Variants in CPVL observed in about 807,000 individuals in gnomAD.
The protein encoded by CPVL is carboxypeptidase vitellogenic like, also known as probable serine carboxypeptidase CPVL.
In CPVL, 51 loss-of-function variants were observed where a neutral mutation model predicts 63.7. The ratio of observed to expected loss-of-function variants is 0.80; its 90% confidence interval spans 0.64 to 1.01. CPVL has a LOEUF of 1.01. Ranked by LOEUF, CPVL falls within the 50% of genes least tolerant of loss-of-function variation. The probability of loss-of-function intolerance (pLI) is 0.00; values close to 1 mark genes in which losing one functional copy is unlikely to be tolerated. For synonymous variants in CPVL, 195 were observed against 206.0 expected (o/e 0.95, Z 0.46); for missense variants, 530 against 573.1 (o/e 0.92, Z 0.77).
rs138583780 is a variant in CPVL, at chr7:29,143,570, T to C, written c.-11+2859A>G. On this transcript the variant is annotated intron_variant, in intron 1 of 12. Coordinates refer to ENST00000265394, the MANE Select transcript of CPVL (RefSeq NM_031311.5). The stretch of plus-strand genomic sequence containing the variant: ...CAAAAAGATATGTGGCACTATCTTT[T>C]TGAAAGAGGGGTAATGGGATACAGA... 3.5e-4 allele frequency among the ~76,000 whole-genome samples: 53 copies of C among 152,258 alleles called. No individual in the cohort carries two copies. In the East Asian group the frequency reaches 0.01, roughly 29 times the overall value.
intron 12 of CPVL, among the ~76,000 whole-genome samples, chr7:29,028,437 CT>C (rs776602490): frequency 4.1e-4 from 62 of 152,214 alleles, no homozygotes; most frequent in Middle Eastern, 3.4e-3. Flanking sequence ...GTAGGTAAAG[CT>C]TTTATGGCTA....
intron 5 of CPVL, among the ~76,000 whole-genome samples, chr7:29,180,345 G>A (rs554046672): frequency 4.3e-4 from 66 of 152,236 alleles, no homozygotes; most frequent in African/African-American, 1.5e-3. Flanking sequence ...GACTAACACG[G>A]TGAAACCCTA....
intron 5 of CPVL, among the ~76,000 whole-genome samples, chr7:29,156,060 C>T (rs1202643506): frequency 2.0e-5 from 3 of 152,120 alleles, no homozygotes; most frequent in Admixed American, 2.0e-4. Flanking sequence ...AGGGATAAAC[C>T]GGCGAAGCAT....
upstream of CPVL, chr7:29,146,983 T>C (rs576876774): frequency 9.9e-4 from 1,538 of 1,550,834 alleles, 9 homozygotes; most frequent in East Asian, 8.3e-3. Flanking sequence ...CAAGTGCCAC[T>C]GTCCTGCCAA....
Position 28,995,817 on chromosome 7 carries a change from A to C in CPVL, c.1386T>G (p.Ile462Met). 4 of 1,608,650 alleles carry C rather than the reference A, an allele frequency of 2.5e-6. No individual in the cohort carries two copies. The highest frequency in any genetic ancestry group is 3.4e-6 in the Non-Finnish European group (4 of 1,178,426). The change falls in exon 13 of 13, where the codon ATT becomes ATG. Residue 462 changes from isoleucine (I) to methionine (M), a missense_variant. Transcript: ENST00000265394. ...ATCCTTTTCCATAAATGAATCGATT[A>C]ATCATGTCAAAAGCTCTCAGAGGCT... ...YDQPLRAFDMINRFIYGKGWD... is the reference protein window; with the variant it reads ...YDQPLRAFDMMNRFIYGKGWD...
chr7:29,081,418 C>T (rs1291582907), intron 7 of CPVL: 2 of 152,198 alleles, frequency 1.3e-5, no homozygotes, highest in Non-Finnish European at 2.9e-5. Flanking sequence ...CTCCCCTTTC[C>T]TTTGCACTGA....
chr7:29,093,346 C>T (rs1459530560), intron 5 of CPVL, among the ~76,000 whole-genome samples: 2 of 140,776 alleles, frequency 1.4e-5, no homozygotes, highest in East Asian at 4.2e-4. Flanking sequence ...CACTGCATTC[C>T]AGCCTGGGTG....
At chr7:29,118,463 G>A (rs1420787063) in intron 2 of CPVL, among the ~76,000 whole-genome samples, 1 of 152,158 alleles carries the variant, frequency 6.6e-6, no homozygotes, top group African/African-American at 2.4e-5. Context: ...CATATGGTGG[G>A]GCAGCCATCT....
intron 2 of CPVL, among the ~76,000 whole-genome samples, chr7:29,113,312 T>A (rs1294871824): frequency 1.3e-5 from 2 of 151,838 alleles, no homozygotes; most frequent in Non-Finnish European, 2.9e-5. Flanking sequence ...GCCTGTCACA[T>A]CTACTAAGAG....
At chr7:29,081,622 T>C (rs1030847712) in intron 7 of CPVL, 1 of 152,198 alleles carries the variant, frequency 6.6e-6, no homozygotes. Context: ...TTCAAAATAA[T>C]AGACACAGAG....
chr7:29,195,382 C>A (rs533495724), upstream of CPVL: 18 of 220,546 alleles, frequency 8.2e-5, no homozygotes, highest in East Asian at 2.0e-3. Flanking sequence ...GCGCCCGCTA[C>A]CCTGGACACC....
intron 12 of CPVL, among the ~76,000 whole-genome samples, chr7:29,000,566 G>A (rs377259394): frequency 4.6e-5 from 7 of 152,150 alleles, no homozygotes; most frequent in African/African-American, 9.7e-5. Context: ...TCTGTATGTC[G>A]TCCCATTCAT....
chr7:29,003,200 AT>A, intron 12 of CPVL, among the ~76,000 whole-genome samples: 1 of 151,732 alleles, frequency 6.6e-6, no homozygotes, highest in African/African-American at 2.4e-5. Flanking sequence ...AGAGAATAGC[AT>A]TTTGCTAAAA....
chr7:29,165,191 A>G (rs1795747052), intron 5 of CPVL, among the ~76,000 whole-genome samples: 1 of 152,038 alleles, frequency 6.6e-6, no homozygotes, highest in East Asian at 1.9e-4. Flanking sequence ...GGGCATGTAT[A>G]TCTCATCTTT....
At chr7:29,056,628 C>G (rs1301976176) in intron 11 of CPVL, among the ~76,000 whole-genome samples, 1 of 152,056 alleles carries the variant, frequency 6.6e-6, no homozygotes, top group African/African-American at 2.4e-5. Context: ...ATGAATAAAG[C>G]TGTTATAAAT....
At chr7:29,155,551 C>T (rs73304186) in intron 5 of CPVL, among the ~76,000 whole-genome samples, 8,704 of 152,196 alleles carry the variant, frequency 0.057, 620 homozygotes, top group East Asian at 0.17. Flanking sequence ...TACTGAGTGT[C>T]AGAACTGGAA....
At chr7:29,074,352 T>C (rs1163923193) in intron 7 of CPVL, among the ~76,000 whole-genome samples, 1 of 152,192 alleles carries the variant, frequency 6.6e-6, no homozygotes, top group Non-Finnish European at 1.5e-5. Flanking sequence ...TGTCTGAAAT[T>C]TGGTTTGTTG....
rs181809780 is a variant in CPVL at position 29,184,828 on chromosome 7, G to A, written c.-261-280C>T. 1.2e-3 allele frequency among the ~76,000 whole-genome samples: 180 copies of A among 152,304 alleles called. 1 individual carries two copies. Among genetic ancestry groups the A allele is most frequent in the African/African-American group, 4.1e-3 (171 of 41,562 alleles). The stretch of plus-strand genomic sequence containing the variant: ...GCATAAAATTAAGCATCACACCTGA[G>A]TTAACCACTGTAAACATTGTGGTTG... On this transcript the variant is annotated intron_variant, in intron 3 of 16. Coordinates refer to the CPVL transcript ENST00000409850.
At chr7:29,097,548 T>A (rs1033816654) in intron 3 of CPVL, among the ~76,000 whole-genome samples, 1 of 152,030 alleles carries the variant, frequency 6.6e-6, no homozygotes, top group Non-Finnish European at 1.5e-5. Flanking sequence ...TACAAAAAAT[T>A]AGCTGGGCGT....
Sources: allele counts gnomAD v4.1 joint callset (sites outside exome capture counted in the v4.1 genomes callset), GRCh38; gene constraint gnomAD v4.1.1; transcripts MANE v1.5; gene names NCBI Gene and HGNC (gene_info 2026-07-23, HGNC 2026-07-21).